SLC51A: variants seen among roughly 807,000 people sequenced by gnomAD.
SLC51A encodes the protein organic solute transporter subunit alpha.
A neutral mutation model predicts 34.8 loss-of-function variants in SLC51A; 22 were observed. That is an observed-to-expected ratio of 0.63 (90% CI 0.45 to 0.90). The LOEUF is 0.90. Ranked by LOEUF, SLC51A falls within the 40% of genes least tolerant of loss-of-function variation. The probability of loss-of-function intolerance (pLI) is 0.00; values close to 1 mark genes in which losing one functional copy is unlikely to be tolerated. For synonymous variants in SLC51A, 181 were observed against 176.3 expected, an observed-to-expected ratio of 1.03 and a Z score of -0.21; for missense variants, 371 against 414.8, an observed-to-expected ratio of 0.89 and a Z score of 0.92.
chr3:196,229,703 A>AAAAAAAAAAAAT (rs61279923), intron 6 of SLC51A: 4 of 430,910 alleles, frequency 9.3e-6, no homozygotes, highest in South Asian at 7.6e-5. Flanking sequence ...AAAAAAAAAA[A>AAAAAAAAAAAAT]GTTAGCTGGG....
chr3:196,232,608 AG>A (rs1384190233), intron 8 of SLC51A, 84 bp downstream of exon 8: 1 of 1,008,732 alleles, frequency 9.9e-7, no homozygotes, highest in African/African-American at 1.6e-5. Flanking sequence ...AACAGACATT[AG>A]GCCAGCCTGA....
rs565915010 is a variant in SLC51A, at chr3:196,227,826, T to C, written c.362+89T>C. ...CCGTGTCCTTGATCCCAGCTGACCA[T>C]GTATCTGGCCCTTCCCAGCTTGTGC... On this transcript the variant is annotated intron_variant, in intron 4 of 8. Coordinates refer to ENST00000296327, the MANE Select transcript of SLC51A (RefSeq NM_152672.6). 194 of 1,272,186 alleles carry C rather than the reference T, an allele frequency of 1.5e-4. 1 individual carries two copies. Among genetic ancestry groups the C allele is most frequent in the South Asian group, 8.2e-4 (60 of 73,320 alleles). 78.8% of individuals were successfully genotyped at this position (1,272,186 alleles called of 1,614,324 possible).
intron 2 of SLC51A, 85 bp downstream of exon 2, chr3:196,218,021 G>A: frequency 8.1e-7 from 1 of 1,229,390 alleles, no homozygotes; most frequent in Non-Finnish European, 1.2e-6. Flanking sequence ...GCCCTGAGCT[G>A]GTGCACCTGG....
At position 196,216,620 on chromosome 3, in the gene SLC51A, CAGG is replaced by C; in HGVS notation, c.-92_-90del. The C allele has an allele frequency of 1.5e-6, 2 of 1,339,392 alleles. No homozygotes were observed. Among genetic ancestry groups the C allele is most frequent in the Non-Finnish European group, 2.1e-6 (2 of 959,754 alleles). The allele number at this position is 1,339,392 out of a possible 1,614,324, so 83.0% of individuals were successfully genotyped here. ...ATTCTGCTTGCCCCCCACCCCGGCC[CAGG>C]CAAGCCACCCTGCCCCCGGCCCCCA... On this transcript the variant is annotated 5_prime_UTR_variant, in exon 1 of 9. Transcript: ENST00000296327. The surrounding 1 kb of genome is among the most constrained non-coding windows in gnomAD (Gnocchi z 4.5).
chr3:196,223,257 A>G (rs1032548897), intron 2 of SLC51A, among the ~76,000 whole-genome samples: 1 of 151,908 alleles, frequency 6.6e-6, no homozygotes, highest in African/African-American at 2.4e-5. Flanking sequence ...GAATTCTCAT[A>G]GGTTATTTCT....
chr3:196,227,470 C>T (rs1396019279), intron 3 of SLC51A, 194 bp from the exon 4 acceptor site: 5 of 616,720 alleles, frequency 8.1e-6, no homozygotes, highest in East Asian at 2.8e-5. Flanking sequence ...TCCACCCTTA[C>T]GCTGAGGCTT....
chr3:196,229,860 A>T (rs1723990373), intron 6 of SLC51A, 55 bp from the exon 7 acceptor site: 4 of 1,499,768 alleles, frequency 2.7e-6, no homozygotes, highest in Non-Finnish European at 3.6e-6. Context: ...CTTGAAAGAG[A>T]GAGAGAGAGA....
intron 3 of SLC51A, 25 bp downstream of exon 3, chr3:196,227,144 G>A (rs61071010): frequency 1.9e-6 from 3 of 1,605,352 alleles, no homozygotes; most frequent in Admixed American, 1.7e-5. Flanking sequence ...GCTGCCCTGT[G>A]GGGGGAACTG....
At position 196,228,401 on chromosome 3, in the gene SLC51A, G is replaced by A. The variant is rs12491227; in HGVS notation, c.521+128G>A. The A allele has an allele frequency of 0.45, 570,608 of 1,258,500 alleles. 134,117 individuals carry two copies. Among genetic ancestry groups the A allele is most frequent in the East Asian group, 0.83 (32,724 of 39,192 alleles). The allele number at this position is 1,258,500 out of a possible 1,614,324, so 78.0% of individuals were successfully genotyped here. ...AGTGACGGAAGGGTGGGCATCCCAC[G>A]GCCAGGACCCACGGGCGCCACCCTC... On this transcript the variant is annotated intron_variant, in intron 5 of 8. Transcript: ENST00000296327. This position sits in a 1 kb window ranked among gnomAD's most constrained non-coding sequence, Gnocchi z 4.9.
At position 196,233,327 on chromosome 3, in the gene SLC51A, T is replaced by C; in HGVS notation, c.*128T>C. On this transcript the variant is annotated 3_prime_UTR_variant, in exon 9 of 9. Coordinates refer to ENST00000296327, the MANE Select transcript of SLC51A (RefSeq NM_152672.6). Reference sequence around the variant, plus strand: ...ACACAAGCTGGCAGATACATTTGACTCTACAGATGAAGGTGAACAATGTTA... The same window carrying C: ...ACACAAGCTGGCAGATACATTTGACCCTACAGATGAAGGTGAACAATGTTA... 9.5e-7 allele frequency: 1 copy of C among 1,048,794 alleles called. No individual in the cohort carries two copies. Among genetic ancestry groups the C allele is most frequent in the Non-Finnish European group, 1.4e-6 (1 of 719,690 alleles). The allele number at this position is 1,048,794 out of a possible 1,614,324, so 65.0% of individuals were successfully genotyped here.
chr3:196,219,026 G>A (rs1723668596), intron 2 of SLC51A, among the ~76,000 whole-genome samples: 1 of 152,116 alleles, frequency 6.6e-6, no homozygotes, highest in African/African-American at 2.4e-5. Flanking sequence ...AGAAGTTGGA[G>A]ACCAGCCTGG....
In SLC51A at chr3:196,228,328, C is replaced by G; in HGVS notation, c.521+55C>G. ...GAGCCGGGGAGCCTCTCCTGGACCC[C>G]TGGTCCCCTTCAAGGCTCTGGGAAT... On this transcript the variant is annotated intron_variant, in intron 5 of 8. Transcript: ENST00000296327. This position sits in a 1 kb window ranked among gnomAD's most constrained non-coding sequence, Gnocchi z 4.9. 2 of 1,563,646 alleles carry G rather than the reference C, an allele frequency of 1.3e-6. No homozygotes were observed. The highest frequency in any genetic ancestry group is 1.7e-6 in the Non-Finnish European group (2 of 1,159,740).
chr3:196,216,763 G>T lies in SLC51A; in HGVS notation c.38+13G>T. 1 of 1,568,428 alleles carries T rather than the reference G, an allele frequency of 6.4e-7. No homozygotes were observed. The highest frequency in any genetic ancestry group is 2.4e-5 in the East Asian group (1 of 42,380). Reference sequence around the variant, plus strand: ...AGCTTGACCCCAGGTAAGTGAGGGCGGCGGGCCCTGGGCCAGTCGCTGGGC... The same window carrying T: ...AGCTTGACCCCAGGTAAGTGAGGGCTGCGGGCCCTGGGCCAGTCGCTGGGC... On this transcript the variant is annotated intron_variant, in intron 1 of 8. Coordinates refer to ENST00000296327, the MANE Select transcript of SLC51A (RefSeq NM_152672.6). The surrounding 1 kb of genome is among the most constrained non-coding windows in gnomAD (Gnocchi z 4.5).
chr3:196,227,829 A>T, intron 4 of SLC51A, 92 bp downstream of exon 4: 1 of 1,251,472 alleles, frequency 8.0e-7, no homozygotes, highest in Non-Finnish European at 1.1e-6. Flanking sequence ...CTGACCATGT[A>T]TCTGGCCCTT....
At chr3:196,226,939 C>G in intron 2 of SLC51A, 26 bp from the exon 3 acceptor site, 1 of 1,595,506 alleles carries the variant, frequency 6.3e-7, no homozygotes, top group Non-Finnish European at 8.5e-7. Context: ...TCCCGGTCGT[C>G]AGCTCTCTGC....
At chr3:196,223,577 G>A (rs1723818619) in intron 2 of SLC51A, among the ~76,000 whole-genome samples, 1 of 151,690 alleles carries the variant, frequency 6.6e-6, no homozygotes, top group Admixed American at 6.6e-5. Context: ...CGGGGCTGGG[G>A]GTAAGAGAGG....
At position 196,228,951 on chromosome 3, in the gene SLC51A, A is replaced by T; in HGVS notation, c.633+31A>T. ...CCGGGAGTAAGGGACAGCACAGTCC[A>T]AGACTCATTTAGTACCTTTGTGTTC... On this transcript the variant is annotated intron_variant, in intron 6 of 8. Transcript: ENST00000296327. This position sits in a 1 kb window ranked among gnomAD's most constrained non-coding sequence, Gnocchi z 4.9. 6.5e-7 allele frequency: 1 copy of T among 1,527,134 alleles called. No individual in the cohort carries two copies. The highest frequency in any genetic ancestry group is 9.1e-7 in the Non-Finnish European group (1 of 1,100,400). 94.6% of individuals were successfully genotyped at this position (1,527,134 alleles called of 1,614,324 possible).
chr3:196,229,784 G>A, intron 6 of SLC51A, 131 bp from the exon 7 acceptor site: 1 of 1,054,234 alleles, frequency 9.5e-7, no homozygotes, highest in Non-Finnish European at 1.3e-6. Context: ...AGCCAGGAGT[G>A]TGATGCTGCA....
rs1206301170 is a variant in SLC51A at position 196,228,805 on chromosome 3, T to C, written c.522-4T>C. ...CCATGTTCCTAACCCTCTTCCCCACTCAGGAAGAAGCTTCAGCTGCTGATG... is the reference window on the plus strand; with the variant it reads ...CCATGTTCCTAACCCTCTTCCCCACCCAGGAAGAAGCTTCAGCTGCTGATG... On this transcript the variant is annotated splice_polypyrimidine_tract_variant and splice_region_variant and intron_variant, in intron 5 of 8. Coordinates refer to ENST00000296327, the MANE Select transcript of SLC51A (RefSeq NM_152672.6). This position sits in a 1 kb window ranked among gnomAD's most constrained non-coding sequence, Gnocchi z 4.9. 4 of 1,613,578 alleles carry C rather than the reference T, an allele frequency of 2.5e-6. No homozygotes were observed. Among genetic ancestry groups the C allele is most frequent in the Non-Finnish European group, 2.5e-6 (3 of 1,179,556 alleles).
Sources: gnomAD v4.1 joint callset for allele counts (sites outside exome capture counted in the v4.1 genomes callset) on GRCh38, gnomAD v4.1.1 for gene constraint, Gnocchi (gnomAD v3.1) non-coding constraint, MANE v1.5 for transcripts, NCBI Gene and HGNC (gene_info 2026-07-23, HGNC 2026-07-21) for gene names.